TSHZ2: variants seen among roughly 807,000 people sequenced by gnomAD.
TSHZ2 encodes teashirt homolog 2.
TSHZ2 carries 21 observed loss-of-function variants against 74.4 expected under a neutral mutation model. The observed-to-expected ratio is 0.28, with a 90% CI of 0.20 to 0.41. The LOEUF is 0.41. Among genes scored for constraint, TSHZ2 ranks in the 10% least tolerant of loss-of-function variants. The pLI, the probability that TSHZ2 is intolerant of heterozygous loss-of-function variation, is 1.00. For missense variants in TSHZ2, 1,244 were observed against 1,293.5 expected, an observed-to-expected ratio of 0.96 and a Z score of 0.59; for synonymous variants, 540 against 515.3, an observed-to-expected ratio of 1.05 and a Z score of -0.65.
At chr20:53,387,905 C>T (rs1982106052) in intron 2 of TSHZ2, among the ~76,000 whole-genome samples, 1 of 151,940 alleles carries the variant, frequency 6.6e-6, no homozygotes, top group African/African-American at 2.4e-5. Context: ...AGAAATTAGC[C>T]AGGTGTGGCA....
At chr20:53,415,547 C>A (rs1169872332) in intron 2 of TSHZ2, among the ~76,000 whole-genome samples, 14 of 152,024 alleles carry the variant, frequency 9.2e-5, no homozygotes, top group Non-Finnish European at 2.9e-5. Context: ...CTCTTACTAT[C>A]CTAAAACTAT....
intron 2 of TSHZ2, among the ~76,000 whole-genome samples, chr20:53,312,803 A>T (rs909051155): frequency 4.6e-5 from 7 of 152,324 alleles, no homozygotes; most frequent in Admixed American, 4.6e-4. Context: ...TGTTGATCTG[A>T]CCACACTGAA....
intron 2 of TSHZ2, among the ~76,000 whole-genome samples, chr20:53,482,241 G>C (rs1811167131): frequency 6.6e-6 from 1 of 151,712 alleles, no homozygotes; most frequent in South Asian, 2.1e-4. Flanking sequence ...ATAAGAAGCA[G>C]TGGTTGAAGA....
intron 1 of TSHZ2, among the ~76,000 whole-genome samples, chr20:53,200,726 G>T (rs139410373): frequency 6.6e-6 from 1 of 152,086 alleles, no homozygotes; most frequent in Non-Finnish European, 1.5e-5. Flanking sequence ...AGTTGGTACC[G>T]ACCATGGCCC....
At chr20:52,974,865 G>T (rs1981268934) in intron 1 of TSHZ2, among the ~76,000 whole-genome samples, 1 of 152,168 alleles carries the variant, frequency 6.6e-6, no homozygotes, top group African/African-American at 2.4e-5. Context: ...ATAAAGCGTG[G>T]ATTCATATAT....
At chr20:53,103,083 A>G (rs1265256714) in intron 1 of TSHZ2, among the ~76,000 whole-genome samples, 2 of 152,192 alleles carry the variant, frequency 1.3e-5, no homozygotes, top group East Asian at 3.8e-4. Context: ...TCACAATATC[A>G]AATGTGTTTT....
chr20:53,125,328 G>A (rs998338893), intron 1 of TSHZ2, among the ~76,000 whole-genome samples: 2 of 152,116 alleles, frequency 1.3e-5, no homozygotes, highest in African/African-American at 2.4e-5. Flanking sequence ...CTGGTTACCC[G>A]CTGAGTGGCC....
At chr20:53,297,072 G>T (rs939144856) in intron 2 of TSHZ2, among the ~76,000 whole-genome samples, 1 of 152,182 alleles carries the variant, frequency 6.6e-6, no homozygotes, top group Non-Finnish European at 1.5e-5. Context: ...ATCTGGCCAT[G>T]CTGGCAAGTC....
chr20:53,451,599 G>A (rs1024009092), intron 2 of TSHZ2, among the ~76,000 whole-genome samples: 23 of 152,228 alleles, frequency 1.5e-4, no homozygotes, highest in African/African-American at 5.5e-4. Context: ...TTCAGATCCT[G>A]CCGTAAAAAC....
Position 53,247,851 on chromosome 20 carries a change from T to A in TSHZ2, c.41-5648T>A, listed in dbSNP as rs1237632230. ...TGAGTTTTAAATTGTTCTTATGTTA[T>A]GATTCCACTTCTGCTGCCATTTTTA... is the stretch of plus-strand genomic sequence containing the variant. On this transcript the variant is annotated intron_variant, in intron 1 of 2. Transcript: ENST00000371497. Among the ~76,000 whole-genome samples, 3 of 152,226 alleles carry A rather than the reference T, an allele frequency of 2.0e-5. No homozygotes were observed. In the East Asian group the frequency reaches 5.8e-4, roughly 29 times the overall value.
At position 53,112,276 on chromosome 20, in the gene TSHZ2, TAACAA is replaced by T. The variant is rs969967135; in HGVS notation, c.40+138948_40+138952del. Among the ~76,000 whole-genome samples, 3 of 152,278 alleles carry T rather than the reference TAACAA, an allele frequency of 2.0e-5. No individual in the cohort carries two copies. In the South Asian group the frequency reaches 6.2e-4, roughly 32 times the overall value. On this transcript the variant is annotated intron_variant, in intron 1 of 2. Transcript: ENST00000371497. ...GTCCTATGTCCCACTGGACTTCAGT[TAACAA>T]AACACAAATTCACAGATAAAATTAT... is the stretch of plus-strand genomic sequence containing the variant.
chr20:53,427,187 A>T (rs575475286), intron 2 of TSHZ2, among the ~76,000 whole-genome samples: 1 of 152,260 alleles, frequency 6.6e-6, no homozygotes, highest in South Asian at 2.1e-4. Context: ...TGGAGATGAG[A>T]TGTGAAGGGT....
At chr20:53,111,771 G>C (rs1355793418) in intron 1 of TSHZ2, among the ~76,000 whole-genome samples, 2 of 152,178 alleles carry the variant, frequency 1.3e-5, no homozygotes, top group East Asian at 1.9e-4. Context: ...GCAGACCCCA[G>C]ATCGAGCCAG....
intron 1 of TSHZ2, among the ~76,000 whole-genome samples, chr20:53,048,528 C>T (rs368316340): frequency 6.6e-6 from 1 of 152,142 alleles, no homozygotes; most frequent in Admixed American, 6.5e-5. Context: ...TCCTCCTGAT[C>T]AAGGGTGGAA....
chr20:53,175,687 C>T (rs1465539225), intron 1 of TSHZ2, among the ~76,000 whole-genome samples: 3 of 152,180 alleles, frequency 2.0e-5, no homozygotes, highest in Admixed American at 6.5e-5. Flanking sequence ...AGTGGCTGCT[C>T]CAGGCCATAC....
At chr20:53,410,547 C>T (rs965704207) in intron 2 of TSHZ2, among the ~76,000 whole-genome samples, 1 of 151,502 alleles carries the variant, frequency 6.6e-6, no homozygotes, top group Non-Finnish European at 1.5e-5. Flanking sequence ...GCATACATAA[C>T]AACCTAAGAA....
intron 1 of TSHZ2, among the ~76,000 whole-genome samples, chr20:53,064,508 G>GAC (rs1333125441): frequency 1.3e-5 from 2 of 151,798 alleles, no homozygotes; most frequent in Non-Finnish European, 2.9e-5. Flanking sequence ...TATCAGCCAA[G>GAC]ACACACACAC....
At chr20:53,181,756 T>C (rs878865026) in intron 1 of TSHZ2, among the ~76,000 whole-genome samples, 4 of 151,942 alleles carry the variant, frequency 2.6e-5, no homozygotes, top group East Asian at 1.9e-4. Flanking sequence ...GGCGTGGTGG[T>C]GGGCGCCTGT....
rs190146280 is a variant in TSHZ2 at position 53,454,422 on chromosome 20, C to T, written c.*9-32722C>T. On this transcript the variant is annotated intron_variant, in intron 2 of 2. Coordinates refer to ENST00000371497, the MANE Select transcript of TSHZ2 (RefSeq NM_173485.6). Reference sequence around the variant, plus strand: ...ACTAAAAATACAAAAATTAGCCGGGCATGGTGGCACGTGCCTGTAGTCCCA... The same window carrying T: ...ACTAAAAATACAAAAATTAGCCGGGTATGGTGGCACGTGCCTGTAGTCCCA... 5.0e-3 allele frequency among the ~76,000 whole-genome samples: 767 copies of T among 151,988 alleles called. 5 individuals are homozygous for T. Among genetic ancestry groups the T allele is most frequent in the African/African-American group, 0.018 (738 of 41,452 alleles).
Sources: allele counts gnomAD v4.1 joint callset (sites outside exome capture counted in the v4.1 genomes callset), GRCh38; gene constraint gnomAD v4.1.1; transcripts MANE v1.5; gene names NCBI Gene and HGNC (gene_info 2026-07-23, HGNC 2026-07-21).